CEP55: variants seen among roughly 807,000 people sequenced by gnomAD.
CEP55 encodes centrosomal protein of 55 kDa.
Under a neutral mutation model 63.2 loss-of-function variants are expected in CEP55, and 57 were observed. That is an observed-to-expected ratio of 0.90 (90% CI 0.73 to 1.13). The LOEUF (loss-of-function observed/expected upper bound fraction) is 1.13. CEP55 is among the 50% of genes most tolerant of loss of function. The pLI, the probability that CEP55 is intolerant of heterozygous loss-of-function variation, is 0.00. For missense variants in CEP55, 456 were observed against 518.9 expected (o/e 0.88, Z 1.18); for synonymous variants, 178 against 191.6 (o/e 0.93, Z 0.59).
intron 4 of CEP55, among the ~76,000 whole-genome samples, chr10:93,513,154 A>G (rs1489646135): frequency 6.6e-6 from 1 of 152,242 alleles, no homozygotes; most frequent in African/African-American, 2.4e-5. Flanking sequence ...TGTAAAGAGG[A>G]CTACTGTTCC....
intron 4 of CEP55, among the ~76,000 whole-genome samples, chr10:93,513,946 T>TC (rs1178835607): frequency 1.4e-4 from 20 of 143,428 alleles, no homozygotes; most frequent in Middle Eastern, 3.6e-3. Context: ...AGCCTCCCCC[T>TC]CCCCTTTTTT....
At chr10:93,509,013 G>GTCC in intron 4 of CEP55, among the ~76,000 whole-genome samples, 1 of 152,194 alleles carries the variant, frequency 6.6e-6, no homozygotes, top group Non-Finnish European at 1.5e-5. Flanking sequence ...TTGAAAGAAT[G>GTCC]ACTGGATGGA....
chr10:93,513,157 A>G (rs1030796477), intron 4 of CEP55, among the ~76,000 whole-genome samples: 1 of 152,224 alleles, frequency 6.6e-6, no homozygotes, highest in African/African-American at 2.4e-5. Context: ...AAAGAGGACT[A>G]CTGTTCCCTA....
chr10:93,512,274 C>A (rs573758908), intron 4 of CEP55, among the ~76,000 whole-genome samples: 1 of 150,376 alleles, frequency 6.6e-6, no homozygotes, highest in Non-Finnish European at 1.5e-5. Flanking sequence ...CCTGCAATCC[C>A]AGCACTTTGG....
intron 5 of CEP55, 149 bp downstream of exon 5, chr10:93,515,704 C>A (rs901480005): frequency 6.7e-6 from 5 of 746,986 alleles, no homozygotes; most frequent in Non-Finnish European, 8.0e-6. Context: ...ACCATTTTTG[C>A]AAGTTTTATT....
At chr10:93,520,960 A>T (rs1238089677) in intron 8 of CEP55, among the ~76,000 whole-genome samples, 1 of 152,176 alleles carries the variant, frequency 6.6e-6, no homozygotes, top group Non-Finnish European at 1.5e-5. Flanking sequence ...ATGCAAAAGA[A>T]TTTGTAATTT....
chr10:93,503,256 A>T lies in CEP55; in HGVS notation c.327A>T (p.Arg109Ser). The T allele has an allele frequency of 6.2e-7, 1 of 1,614,168 alleles. No individual in the cohort carries two copies. The highest frequency in any genetic ancestry group is 1.1e-5 in the South Asian group (1 of 91,072). ...TLLEQLEETT[R>S]EGERREQVLK... The stretch of plus-strand genomic sequence containing the variant: ...TTGAACAGCTGGAAGAGACAACGAG[A>T]GAAGGAGAAAGGAGGGAGCAGGTGT... Residue 109 changes from arginine to serine, a missense_variant, in exon 3 of 9, where the codon AGA becomes AGT. Coordinates refer to ENST00000371485, the MANE Select transcript of CEP55 (RefSeq NM_018131.5).
In CEP55 at chr10:93,528,248, A is replaced by T; in HGVS notation, c.*95A>T. On this transcript the variant is annotated 3_prime_UTR_variant, in exon 9 of 9. Coordinates refer to ENST00000371485, the MANE Select transcript of CEP55 (RefSeq NM_018131.5). The stretch of plus-strand genomic sequence containing the variant: ...AATTATATATTTCACATTTTGCATA[A>T]AACTGCCTATCTACCTTTGACACTC... The T allele has an allele frequency of 9.5e-7, 1 of 1,050,602 alleles. No homozygotes were observed. The highest frequency in any genetic ancestry group is 1.4e-6 in the Non-Finnish European group (1 of 703,956). The allele number at this position is 1,050,602 out of a possible 1,614,324, so 65.1% of individuals were successfully genotyped here. A position where few individuals can be genotyped will look rare whatever the true frequency, so the allele number is the denominator to read the frequency against.
At chr10:93,504,430 G>A (rs1341315712) in intron 3 of CEP55, among the ~76,000 whole-genome samples, 4 of 151,308 alleles carry the variant, frequency 2.6e-5, no homozygotes, top group East Asian at 2.0e-4. Flanking sequence ...CCAAGATTGC[G>A]CCACTGTACT....
intron 8 of CEP55, among the ~76,000 whole-genome samples, chr10:93,520,748 A>G (rs2057852500): frequency 6.6e-6 from 1 of 152,108 alleles, no homozygotes; most frequent in Non-Finnish European, 1.5e-5. Flanking sequence ...TACAAATATG[A>G]TTCCTCAGTT....
intron 7 of CEP55, chr10:93,519,174 G>T: frequency 2.1e-6 from 1 of 474,510 alleles, no homozygotes; most frequent in Non-Finnish European, 3.8e-6. Flanking sequence ...GAGGTGTGAT[G>T]GCAGTTTTCT....
Position 93,500,232 on chromosome 10 carries a change from G to A in CEP55, c.181G>A (p.Glu61Lys), listed in dbSNP as rs551482419. The A allele has an allele frequency of 7.5e-5, 121 of 1,605,544 alleles. 2 individuals carry two copies. The South Asian group carries it at 1.3e-3, about 17-fold the overall frequency. ...LTDKERHRLL[E>K]KIRVLEAEKE... ...TGATAAAGAGAGACACAGACTTTTG[G>A]AGGTAAATGGTCTTCTGATCCTTTA... is the stretch of plus-strand genomic sequence containing the variant. The change falls in exon 2 of 9, where the codon GAG becomes AAG. Residue 61 changes from glutamate (E) to lysine (K), a missense_variant and splice_region_variant. Transcript: ENST00000371485.
rs2057829291 is a variant in CEP55, at chr10:93,518,868, GT to G, written c.994-8del. 3.8e-6 allele frequency: 6 copies of G among 1,593,430 alleles called. No homozygotes were observed. The highest frequency in any genetic ancestry group is 5.1e-6 in the Non-Finnish European group (6 of 1,165,486). ...ATGTGACAGCATTGGTTCTCTTTAT[GT>G]CCTACAGGTCCAGTTTCTTTACACA... is the stretch of plus-strand genomic sequence containing the variant. On this transcript the variant is annotated splice_polypyrimidine_tract_variant and splice_region_variant and intron_variant, in intron 6 of 8. Transcript: ENST00000371485.
At chr10:93,518,793 C>A in intron 6 of CEP55, 84 bp from the exon 7 acceptor site, 1 of 882,314 alleles carries the variant, frequency 1.1e-6, no homozygotes, top group Non-Finnish European at 1.8e-6. Flanking sequence ...AGATGTGAGA[C>A]TTGTGATGTG....
intron 8 of CEP55, among the ~76,000 whole-genome samples, chr10:93,527,310 T>C (rs2057934214): frequency 6.6e-6 from 1 of 152,240 alleles, no homozygotes; most frequent in Non-Finnish European, 1.5e-5. Context: ...ACTTTATTGC[T>C]GACGTTGCCT....
intron 8 of CEP55, among the ~76,000 whole-genome samples, chr10:93,522,178 GA>G (rs1299031040): frequency 6.6e-6 from 1 of 152,166 alleles, no homozygotes; most frequent in African/African-American, 2.4e-5. Flanking sequence ...CAAAGAAGTT[GA>G]AAACCTTGAA....
intron 2 of CEP55, among the ~76,000 whole-genome samples, chr10:93,500,626 G>A (rs2057623746): frequency 6.6e-6 from 1 of 151,980 alleles, no homozygotes; most frequent in South Asian, 2.1e-4. Flanking sequence ...ATAGCTTCTT[G>A]GTAATTTAGC....
chr10:93,528,185 T>C lies in CEP55; in HGVS notation c.*32T>C. ...AAGTATTTGTTTTGATATTAAAAGA[T>C]TCAATACTGTATTTTCTGTTAGCTT... On this transcript the variant is annotated 3_prime_UTR_variant, in exon 9 of 9. Transcript: ENST00000371485. The C allele has an allele frequency of 6.4e-7, 1 of 1,554,928 alleles. No homozygotes were observed. Among genetic ancestry groups the C allele is most frequent in the Non-Finnish European group, 8.9e-7 (1 of 1,128,466 alleles).
rs968202669 is a variant in CEP55, at chr10:93,528,227, A to G, written c.*74A>G. 2 of 1,328,356 alleles carry G rather than the reference A, an allele frequency of 1.5e-6. No homozygotes were observed. Among genetic ancestry groups the G allele is most frequent in the Non-Finnish European group, 2.1e-6 (2 of 938,222 alleles). The allele number at this position is 1,328,356 out of a possible 1,614,324, so 82.3% of individuals were successfully genotyped here. A position where few individuals can be genotyped will look rare whatever the true frequency, so the allele number is the denominator to read the frequency against. ...TGTTAGCTTGTGGGCATTTTGAATT[A>G]TATATTTCACATTTTGCATAAAACT... On this transcript the variant is annotated 3_prime_UTR_variant, in exon 9 of 9. Coordinates refer to ENST00000371485, the MANE Select transcript of CEP55 (RefSeq NM_018131.5).
Sources: allele counts gnomAD v4.1 joint callset (sites outside exome capture counted in the v4.1 genomes callset), GRCh38; gene constraint gnomAD v4.1.1; transcripts MANE v1.5; gene names NCBI Gene and HGNC (gene_info 2026-07-23, HGNC 2026-07-21).